The following TNFRSF21 variants were observed in gnomAD, a reference collection of about 807,000 sequenced individuals.
TNFRSF21 encodes TNF receptor superfamily member 21.
In TNFRSF21, 19 loss-of-function variants were observed where a neutral mutation model predicts 45.6. That is an observed-to-expected ratio of 0.42 (90% CI 0.29 to 0.61). The LOEUF (loss-of-function observed/expected upper bound fraction) is 0.61. TNFRSF21 is among the 20% of genes least tolerant of loss of function. The pLI is 0.23. For synonymous variants in TNFRSF21, 314 were observed against 335.5 expected (o/e 0.94, Z 0.70); for missense variants, 737 against 851.5 (o/e 0.87, Z 1.67).
Position 47,286,321 on chromosome 6 carries a change from G to A in TNFRSF21, c.371C>T (p.Ala124Val), listed in dbSNP as rs1441925104. 3.7e-6 allele frequency: 6 copies of A among 1,614,244 alleles called. No individual in the cohort carries two copies. In the South Asian group the frequency reaches 6.6e-5, roughly 18 times the overall value. Residue 124 changes from alanine (A) to valine (V), a missense_variant, in exon 2 of 6, where the codon GCT becomes GTT. Ala to Val is a moderately conservative substitution (Grantham distance 64). Coordinates refer to ENST00000296861, the MANE Select transcript of TNFRSF21 (RefSeq NM_014452.5). ...AGTGCATTCTCGGTCAGTCAAGGCA[G>A]CACAAGGTAATTTCTCAATCATTGG... ...PWPMIEKLPC[A>V]ALTDRECTCP...
At chr6:47,259,314 G>C (rs771809449) in intron 3 of TNFRSF21, among the ~76,000 whole-genome samples, 5 of 151,932 alleles carry the variant, frequency 3.3e-5, no homozygotes, top group African/African-American at 4.8e-5. Context: ...ACATTGAAAA[G>C]TAACACAACC....
chr6:47,304,588 G>A (rs1345050987), intron 1 of TNFRSF21, among the ~76,000 whole-genome samples: 2 of 152,198 alleles, frequency 1.3e-5, no homozygotes, highest in Non-Finnish European at 2.9e-5. Flanking sequence ...AACTGCCCCA[G>A]AATATACAGC....
intron 5 of TNFRSF21, among the ~76,000 whole-genome samples, chr6:47,234,192 A>T (rs956850849): frequency 2.0e-5 from 3 of 151,964 alleles, no homozygotes; most frequent in Admixed American, 6.6e-5. Flanking sequence ...GGCCAGGCTC[A>T]TCTCTAACTC....
At chr6:47,233,759 C>G (rs569250088) in intron 5 of TNFRSF21, among the ~76,000 whole-genome samples, 1 of 150,940 alleles carries the variant, frequency 6.6e-6, no homozygotes, top group African/African-American at 2.4e-5. Flanking sequence ...TTTATAAATA[C>G]GTAAAATATC....
chr6:47,234,056 ATCTCAGCTCACTGCAGCC>A lies in TNFRSF21; in HGVS notation c.1738+596_1738+613del, dbSNP rs1764624662. On this transcript the variant is annotated intron_variant, in intron 5 of 5. Transcript: ENST00000296861. The stretch of plus-strand genomic sequence containing the variant: ...ACCCAGTCTGGAGTACAGTGGCACA[ATCTCAGCTCACTGCAGCC>A]TCCGCGTCTCAGGTTCAAGTGATTC... Among the ~76,000 whole-genome samples, 5 of 152,236 alleles carry A rather than the reference ATCTCAGCTCACTGCAGCC, an allele frequency of 3.3e-5. No individual in the cohort carries two copies. In the South Asian group the frequency reaches 1.0e-3, roughly 32 times the overall value.
chr6:47,285,754 T>C (rs1009103393), intron 2 of TNFRSF21, among the ~76,000 whole-genome samples, 190 bp downstream of exon 2: 23 of 152,124 alleles, frequency 1.5e-4, no homozygotes, highest in African/African-American at 5.6e-4. Flanking sequence ...AACAGAAAAA[T>C]TCTGAGTCTA....
intron 1 of TNFRSF21, among the ~76,000 whole-genome samples, chr6:47,304,958 G>A (rs1359991221): frequency 1.3e-5 from 2 of 152,110 alleles, no homozygotes; most frequent in Non-Finnish European, 2.9e-5. Context: ...CAGGTTCTGC[G>A]CTCCCCATTC....
At chr6:47,259,144 G>C (rs1765032866) in intron 3 of TNFRSF21, among the ~76,000 whole-genome samples, 1 of 152,246 alleles carries the variant, frequency 6.6e-6, no homozygotes, top group African/African-American at 2.4e-5. Context: ...AATGTGAAAT[G>C]ACAGTAAGTG....
intron 4 of TNFRSF21, 137 bp downstream of exon 4, chr6:47,253,118 GT>G: frequency 9.7e-7 from 1 of 1,030,950 alleles, no homozygotes; most frequent in South Asian, 1.6e-5. Context: ...GTGTGTGTGT[GT>G]GCAGGCGTAT....
At chr6:47,302,852 G>T (rs1762889276) in intron 1 of TNFRSF21, among the ~76,000 whole-genome samples, 1 of 152,166 alleles carries the variant, frequency 6.6e-6, no homozygotes, top group Admixed American at 6.5e-5. Context: ...CTCTCCAGCA[G>T]TTGCCAACTG....
At chr6:47,289,721 C>A (rs886534215) in intron 1 of TNFRSF21, among the ~76,000 whole-genome samples, 4 of 152,156 alleles carry the variant, frequency 2.6e-5, no homozygotes, top group African/African-American at 9.7e-5. Flanking sequence ...CAGCCGGGCA[C>A]GGTGGCTCAT....
intron 1 of TNFRSF21, among the ~76,000 whole-genome samples, chr6:47,306,989 T>C (rs1762949801): frequency 6.6e-6 from 1 of 152,194 alleles, no homozygotes; most frequent in Non-Finnish European, 1.5e-5. Context: ...TAAATACTTC[T>C]TGGAACAGTA....
At chr6:47,263,601 A>G (rs1762277815) in intron 3 of TNFRSF21, among the ~76,000 whole-genome samples, 1 of 152,164 alleles carries the variant, frequency 6.6e-6, no homozygotes, top group Non-Finnish European at 1.5e-5. Context: ...AAGGGAAGAA[A>G]GTGTTTCAAG....
chr6:47,238,870 A>G (rs540034776), intron 4 of TNFRSF21, among the ~76,000 whole-genome samples: 2 of 152,316 alleles, frequency 1.3e-5, no homozygotes, highest in South Asian at 2.1e-4. Flanking sequence ...TACCACAATG[A>G]ACCATGACTG....
chr6:47,238,776 T>C (rs1764701936), intron 4 of TNFRSF21, among the ~76,000 whole-genome samples: 1 of 152,218 alleles, frequency 6.6e-6, no homozygotes, highest in Non-Finnish European at 1.5e-5. Flanking sequence ...AACAGACTAC[T>C]GCTTTGGGAA....
intron 1 of TNFRSF21, 48 bp from the exon 2 acceptor site, chr6:47,286,643 T>A (rs558969906): frequency 1.3e-6 from 2 of 1,549,512 alleles, no homozygotes; most frequent in South Asian, 2.5e-5. Flanking sequence ...CAAGAAGATG[T>A]TACATAGGAG....
rs547673270 is a variant in TNFRSF21 at position 47,293,930 on chromosome 6, T to C, written c.97-7335A>G. 4.6e-5 allele frequency among the ~76,000 whole-genome samples: 7 copies of C among 152,312 alleles called. No individual in the cohort carries two copies. In the East Asian group the frequency reaches 1.3e-3, roughly 29 times the overall value. On this transcript the variant is annotated intron_variant, in intron 1 of 5. Coordinates refer to ENST00000296861, the MANE Select transcript of TNFRSF21 (RefSeq NM_014452.5). ...ACCCATTTTTCTGTTTAGCATGTCT[T>C]CCCCTGTGGATCACAAGCTCCATGT...
intron 3 of TNFRSF21, among the ~76,000 whole-genome samples, chr6:47,268,639 C>T (rs902701594): frequency 2.6e-5 from 4 of 152,170 alleles, no homozygotes; most frequent in Admixed American, 6.5e-5. Flanking sequence ...CTTTCACCTC[C>T]CCCAGCCTGA....
At chr6:47,267,105 GT>G (rs1762345168) in intron 3 of TNFRSF21, among the ~76,000 whole-genome samples, 2 of 129,682 alleles carry the variant, frequency 1.5e-5, no homozygotes, top group Admixed American at 1.6e-4. Context: ...TTTTTTTTTT[GT>G]TTTTGTTTTT....
Sources: gnomAD v4.1 joint callset for allele counts (sites outside exome capture counted in the v4.1 genomes callset) on GRCh38, gnomAD v4.1.1 for gene constraint, MANE v1.5 for transcripts, NCBI Gene and HGNC (gene_info 2026-07-23, HGNC 2026-07-21) for gene names.